KCNK13: variants seen among roughly 807,000 people sequenced by gnomAD.
KCNK13 encodes the protein potassium channel subfamily K member 13.
A neutral mutation model predicts 23.4 loss-of-function variants in KCNK13; 12 were observed. That is an observed-to-expected ratio of 0.51 (90% CI 0.33 to 0.83). The LOEUF is 0.83. KCNK13 is among the 40% of genes least tolerant of loss of function. KCNK13 has a pLI of 0.02. For synonymous variants in KCNK13, 231 were observed against 229.5 expected (o/e 1.01, Z -0.06); for missense variants, 463 against 556.3 (o/e 0.83, Z 1.69).
At chr14:90,174,689 AC>A (rs772797574) in intron 1 of KCNK13, among the ~76,000 whole-genome samples, 8 of 152,040 alleles carry the variant, frequency 5.3e-5, no homozygotes, top group Non-Finnish European at 8.8e-5. Context: ...CTTCATCTCT[AC>A]AAAAAATCCA....
At chr14:90,108,902 C>G (rs1396805935) in intron 1 of KCNK13, among the ~76,000 whole-genome samples, 1 of 152,156 alleles carries the variant, frequency 6.6e-6, no homozygotes, top group African/African-American at 2.4e-5. Context: ...TTGGGCCAGG[C>G]GCAGTGGCTG....
chr14:90,130,486 C>T (rs921891460), intron 1 of KCNK13, among the ~76,000 whole-genome samples: 1 of 151,826 alleles, frequency 6.6e-6, no homozygotes, highest in African/African-American at 2.4e-5. Context: ...AGGCATGAAC[C>T]ACCACACCCA....
At chr14:90,105,310 A>G (rs1469695209) in intron 1 of KCNK13, among the ~76,000 whole-genome samples, 1 of 151,998 alleles carries the variant, frequency 6.6e-6, no homozygotes, top group Non-Finnish European at 1.5e-5. Context: ...CCCCATCTTC[A>G]GCCGCACCTG....
rs191983429 is a variant in KCNK13, at chr14:90,067,161, T to C, written c.334+4622T>C. Among the ~76,000 whole-genome samples the C allele has an allele frequency of 3.8e-3, 580 of 152,194 alleles. 6 individuals are homozygous for C. Among genetic ancestry groups the C allele is most frequent in the African/African-American group, 0.014 (570 of 41,548 alleles). On this transcript the variant is annotated intron_variant, in intron 1 of 1. Coordinates refer to ENST00000282146, the MANE Select transcript of KCNK13 (RefSeq NM_022054.4). ...GCCTGTGCCTGTAGTCCCAGCTACTTGGGAGGCTGAGGCAGGAGAATTGCT... is the reference window on the plus strand; with the variant it reads ...GCCTGTGCCTGTAGTCCCAGCTACTCGGGAGGCTGAGGCAGGAGAATTGCT...
intron 1 of KCNK13, among the ~76,000 whole-genome samples, chr14:90,110,635 T>C (rs1015035061): frequency 3.3e-5 from 5 of 152,146 alleles, no homozygotes; most frequent in African/African-American, 1.2e-4. Flanking sequence ...TAAGTGTCTG[T>C]GGATTCAGGG....
At chr14:90,076,604 G>A (rs1286916) in intron 1 of KCNK13, among the ~76,000 whole-genome samples, 2 of 151,842 alleles carry the variant, frequency 1.3e-5, no homozygotes, top group Admixed American at 6.6e-5. Flanking sequence ...GCACGTGAGC[G>A]CAATGCTATC....
At chr14:90,068,245 G>A (rs1217426669) in intron 1 of KCNK13, among the ~76,000 whole-genome samples, 1 of 152,104 alleles carries the variant, frequency 6.6e-6, no homozygotes, top group Non-Finnish European at 1.5e-5. Flanking sequence ...TCAGGGAAAC[G>A]TTATCCCATC....
chr14:90,085,564 C>A (rs532545702), intron 1 of KCNK13, among the ~76,000 whole-genome samples: 1 of 150,484 alleles, frequency 6.6e-6, no homozygotes, highest in South Asian at 2.1e-4. Context: ...GAGTCTGAAG[C>A]AGGAGAATCA....
intron 1 of KCNK13, among the ~76,000 whole-genome samples, chr14:90,145,134 A>C (rs1484957343): frequency 1.3e-5 from 2 of 152,196 alleles, no homozygotes; most frequent in Non-Finnish European, 2.9e-5. Flanking sequence ...AAGGTGGGGC[A>C]CAGTGGCTCA....
Position 90,085,902 on chromosome 14 carries a change from GTGCCCTTTTTCCTTTTCTTA to G in KCNK13, c.334+23372_334+23391del, listed in dbSNP as rs1394706012. 8.6e-4 allele frequency among the ~76,000 whole-genome samples: 119 copies of G among 139,166 alleles called. 1 individual carries two copies. Among genetic ancestry groups the G allele is most frequent in the African/African-American group, 3.0e-3 (113 of 37,298 alleles). The allele number at this position is 139,166 out of a possible 152,430, so 91.3% of individuals were successfully genotyped here. A position where few individuals can be genotyped will look rare whatever the true frequency, so the allele number is the denominator to read the frequency against. On this transcript the variant is annotated intron_variant, in intron 1 of 1. Transcript: ENST00000282146. Reference sequence around the variant, plus strand: ...ATCTATCTACCTTTTTCCTTTTCTTGTGCCCTTTTTCCTTTTCTTATGCCCTTTGTCTTGTTTTGGTATCA... The same window carrying G: ...ATCTATCTACCTTTTTCCTTTTCTTGTGCCCTTTGTCTTGTTTTGGTATCA...
intron 1 of KCNK13, among the ~76,000 whole-genome samples, chr14:90,175,782 T>C (rs994186388): frequency 6.6e-6 from 1 of 152,178 alleles, no homozygotes; most frequent in African/African-American, 2.4e-5. Context: ...TTGGCTCAAC[T>C]CAGTGTCAAC....
intron 1 of KCNK13, among the ~76,000 whole-genome samples, chr14:90,116,923 C>A (rs1272181884): frequency 6.6e-6 from 1 of 152,232 alleles, no homozygotes; most frequent in African/African-American, 2.4e-5. Flanking sequence ...TATTTCAAGA[C>A]CCCAGGTGGA....
intron 1 of KCNK13, among the ~76,000 whole-genome samples, chr14:90,096,401 C>T (rs999551502): frequency 1.3e-5 from 2 of 152,190 alleles, no homozygotes; most frequent in South Asian, 4.1e-4. Context: ...AAGAGTTATA[C>T]ATCAGGAACC....
intron 1 of KCNK13, among the ~76,000 whole-genome samples, chr14:90,096,606 G>A (rs1321634242): frequency 6.6e-6 from 1 of 152,044 alleles, no homozygotes; most frequent in Non-Finnish European, 1.5e-5. Context: ...CAAATATTAG[G>A]AACTCACCTG....
At position 90,158,696 on chromosome 14, in the gene KCNK13, C is replaced by T. The variant is rs79643177; in HGVS notation, c.335-25415C>T. Reference sequence around the variant, plus strand: ...AGAAGGTTCCCTTCCTCCCTTCCTGCCTGCCTGCCTTCCTTCTTTCCAAAT... The same window carrying T: ...AGAAGGTTCCCTTCCTCCCTTCCTGTCTGCCTGCCTTCCTTCTTTCCAAAT... On this transcript the variant is annotated intron_variant, in intron 1 of 1. Transcript: ENST00000282146. Among the ~76,000 whole-genome samples, 169 of 152,342 alleles carry T rather than the reference C, an allele frequency of 1.1e-3. 3 individuals carry two copies. In the East Asian group the frequency reaches 0.026, roughly 23 times the overall value.
At chr14:90,090,886 G>C (rs1459900522) in intron 1 of KCNK13, among the ~76,000 whole-genome samples, 3 of 152,178 alleles carry the variant, frequency 2.0e-5, no homozygotes, top group Non-Finnish European at 4.4e-5. Context: ...TGCCATGACT[G>C]TGAGGCCTTC....
At position 90,092,007 on chromosome 14, in the gene KCNK13, T is replaced by C. The variant is rs552509171; in HGVS notation, c.334+29468T>C. On this transcript the variant is annotated intron_variant, in intron 1 of 1. Transcript: ENST00000282146. Reference sequence around the variant, plus strand: ...AGCGATCTCAGCTCACTGCAGGCTCTGCCTCCCAGGTTCACGCCATTCTCC... The same window carrying C: ...AGCGATCTCAGCTCACTGCAGGCTCCGCCTCCCAGGTTCACGCCATTCTCC... Among the ~76,000 whole-genome samples, 4 of 151,418 alleles carry C rather than the reference T, an allele frequency of 2.6e-5. No individual in the cohort carries two copies. The East Asian group carries it at 5.9e-4, about 22-fold the overall frequency.
At position 90,106,935 on chromosome 14, in the gene KCNK13, C is replaced by A. The variant is rs181253383; in HGVS notation, c.334+44396C>A. ...CTCCAGGAGGCTGAGGCAGGAGAAT[C>A]GCTTGAATCCGGGAGGCAGAGGTTG... On this transcript the variant is annotated intron_variant, in intron 1 of 1. Transcript: ENST00000282146. Among the ~76,000 whole-genome samples the A allele has an allele frequency of 3.8e-3, 581 of 151,716 alleles. 5 individuals carry two copies. The highest frequency in any genetic ancestry group is 0.014 in the African/African-American group (563 of 41,394).
intron 1 of KCNK13, among the ~76,000 whole-genome samples, chr14:90,090,199 G>A (rs1219362805): frequency 6.6e-6 from 1 of 152,268 alleles, no homozygotes; most frequent in Non-Finnish European, 1.5e-5. Flanking sequence ...AAAGCAGCCG[G>A]GAGGGAGGCT....
Sources: gnomAD v4.1 joint callset for allele counts (sites outside exome capture counted in the v4.1 genomes callset) on GRCh38, gnomAD v4.1.1 for gene constraint, MANE v1.5 for transcripts, NCBI Gene and HGNC (gene_info 2026-07-23, HGNC 2026-07-21) for gene names.